ARHGEF10L: variants seen among roughly 807,000 people sequenced by gnomAD.
The protein encoded by ARHGEF10L is Rho guanine nucleotide exchange factor 10 like, also known as rho guanine nucleotide exchange factor 10-like protein.
ARHGEF10L carries 69 observed loss-of-function variants against 141.2 expected under a neutral mutation model. That is an observed-to-expected ratio of 0.49 (90% confidence interval 0.40 to 0.60). The LOEUF is 0.60. ARHGEF10L is among the 20% of genes least tolerant of loss of function. ARHGEF10L has a pLI of 0.00. For synonymous variants in ARHGEF10L, 711 were observed against 718.5 expected, an observed-to-expected ratio of 0.99 and a Z score of 0.17; for missense variants, 1,482 against 1,734.3, an observed-to-expected ratio of 0.85 and a Z score of 2.58.
chr1:17,564,502 C>T (rs796134045), intron 1 of ARHGEF10L, among the ~76,000 whole-genome samples: 152 of 152,270 alleles, frequency 1.0e-3, no homozygotes, highest in African/African-American at 3.5e-3. Context: ...CTGAGTGTAC[C>T]CCAGCAGCAC....
At chr1:17,532,061 C>T in the ARHGEF10L span, among the ~76,000 whole-genome samples, 1 of 152,188 alleles carries the variant, frequency 6.6e-6, no homozygotes, top group Non-Finnish European at 1.5e-5. Context: ...AGGCCCAGGC[C>T]CTGCCCTCCT....
chr1:17,639,626 C>A lies in ARHGEF10L; in HGVS notation c.2172-576C>A. The A allele has an allele frequency of 2.7e-6, 1 of 368,718 alleles. No homozygotes were observed. Among genetic ancestry groups the A allele is most frequent in the Non-Finnish European group, 5.4e-6 (1 of 186,058 alleles). The allele number at this position is 368,718 out of a possible 1,614,324, so 22.8% of individuals were successfully genotyped here. ...CTTGTGACACTGCCCTGCCCACCTCCCAAAGGGCTGGGAAGGCCCCCACTG... is the reference window on the plus strand; with the variant it reads ...CTTGTGACACTGCCCTGCCCACCTCACAAAGGGCTGGGAAGGCCCCCACTG... On this transcript the variant is annotated intron_variant, in intron 20 of 28. Coordinates refer to ENST00000361221, the MANE Select transcript of ARHGEF10L (RefSeq NM_018125.4). The surrounding 1 kb of genome is among the most constrained non-coding windows in gnomAD (Gnocchi z 4.3).
chr1:17,694,128 G>A (rs900914668), intron 27 of ARHGEF10L: 11 of 152,264 alleles, frequency 7.2e-5, no homozygotes, highest in African/African-American at 2.7e-4. Context: ...GCACGGGGTT[G>A]TTTTACGTTC....
At chr1:17,591,494 C>T (rs933897571) in intron 4 of ARHGEF10L, among the ~76,000 whole-genome samples, 4 of 150,684 alleles carry the variant, frequency 2.7e-5, no homozygotes, top group Admixed American at 1.3e-4. Flanking sequence ...TCACTGCAAC[C>T]TTTGCCTCCT....
At chr1:17,600,698 C>T (rs1343947249) in intron 4 of ARHGEF10L, among the ~76,000 whole-genome samples, 1 of 152,154 alleles carries the variant, frequency 6.6e-6, no homozygotes, top group African/African-American at 2.4e-5. Flanking sequence ...TCTCTGTAGC[C>T]TGCTCCAGCC....
At chr1:17,555,763 C>T (rs1054948802) in intron 1 of ARHGEF10L, among the ~76,000 whole-genome samples, 1 of 152,180 alleles carries the variant, frequency 6.6e-6, no homozygotes, top group African/African-American at 2.4e-5. Flanking sequence ...GCACCATAAC[C>T]ATGCCCCACC....
intron 26 of ARHGEF10L, among the ~76,000 whole-genome samples, chr1:17,678,907 G>A (rs2063897655): frequency 6.6e-6 from 1 of 152,086 alleles, no homozygotes; most frequent in South Asian, 2.1e-4. Context: ...CTTTTTCGGA[G>A]GTAGGCAAGG....
In ARHGEF10L at chr1:17,603,437, G is replaced by A; in HGVS notation, c.350-71G>A. Reference sequence around the variant, plus strand: ...TGCCACCAGCTGGTGCAGTCCTGATGTCATCTGCAGCACCTCTGGCCAGGC... The same window carrying A: ...TGCCACCAGCTGGTGCAGTCCTGATATCATCTGCAGCACCTCTGGCCAGGC... On this transcript the variant is annotated intron_variant, in intron 5 of 28. Coordinates refer to ENST00000361221, the MANE Select transcript of ARHGEF10L (RefSeq NM_018125.4). The surrounding 1 kb of genome is among the most constrained non-coding windows in gnomAD (Gnocchi z 4.8). 1.5e-6 allele frequency: 2 copies of A among 1,293,176 alleles called. No individual in the cohort carries two copies. Among genetic ancestry groups the A allele is most frequent in the South Asian group, 1.3e-5 (1 of 74,598 alleles). 80.1% of individuals were successfully genotyped at this position (1,293,176 alleles called of 1,614,324 possible).
intron 2 of ARHGEF10L, among the ~76,000 whole-genome samples, chr1:17,586,853 C>A (rs887603571): frequency 6.6e-6 from 1 of 152,008 alleles, no homozygotes; most frequent in Non-Finnish European, 1.5e-5. Flanking sequence ...GAAAGGGGTT[C>A]CCCAGGAGGG....
chr1:17,553,711 C>T (rs1292597845), intron 1 of ARHGEF10L, among the ~76,000 whole-genome samples: 1 of 152,136 alleles, frequency 6.6e-6, no homozygotes, highest in Non-Finnish European at 1.5e-5. Flanking sequence ...ATGGCTTGAG[C>T]CCAGGAGGTT....
chr1:17,662,152 T>A (rs1401961803), intron 25 of ARHGEF10L, among the ~76,000 whole-genome samples: 1 of 152,142 alleles, frequency 6.6e-6, no homozygotes, highest in Non-Finnish European at 1.5e-5. Flanking sequence ...TTAAACTCGC[T>A]GTGTCTCGGT....
chr1:17,601,818 G>A (rs2080709167), intron 4 of ARHGEF10L, among the ~76,000 whole-genome samples: 1 of 152,186 alleles, frequency 6.6e-6, no homozygotes, highest in African/African-American at 2.4e-5. Context: ...GAGTGGAGAG[G>A]TGGAGGTTCC....
chr1:17,603,462 C>A lies in ARHGEF10L; in HGVS notation c.350-46C>A. The A allele has an allele frequency of 6.5e-7, 1 of 1,549,092 alleles. No homozygotes were observed. The highest frequency in any genetic ancestry group is 1.2e-5 in the South Asian group (1 of 86,246). On this transcript the variant is annotated intron_variant, in intron 5 of 28. Coordinates refer to ENST00000361221, the MANE Select transcript of ARHGEF10L (RefSeq NM_018125.4). The surrounding 1 kb of genome is among the most constrained non-coding windows in gnomAD (Gnocchi z 4.8). ...GTCATCTGCAGCACCTCTGGCCAGG[C>A]TGCCACAGCCCACGGTGGTGCTCTC...
At chr1:17,638,432 A>G in intron 19 of ARHGEF10L, 130 bp from the exon 20 acceptor site, 1 of 1,361,668 alleles carries the variant, frequency 7.3e-7, no homozygotes, top group East Asian at 2.4e-5. Context: ...CTAAATGTGC[A>G]GCCTCAGTGA....
intron 25 of ARHGEF10L, among the ~76,000 whole-genome samples, chr1:17,659,817 G>A (rs2062500266): frequency 6.6e-6 from 1 of 152,236 alleles, no homozygotes; most frequent in South Asian, 2.1e-4. Context: ...GAGAAGGACA[G>A]GACCAGACAC....
At chr1:17,540,224 T>C (rs1016488137) in intron 1 of ARHGEF10L, among the ~76,000 whole-genome samples, 9 of 152,008 alleles carry the variant, frequency 5.9e-5, no homozygotes, top group African/African-American at 1.9e-4. Flanking sequence ...TGTGTGTGTG[T>C]GTGGCCTCCA....
Position 17,648,678 on chromosome 1 carries a change from G to C in ARHGEF10L, c.2394+3G>C. Reference sequence around the variant, plus strand: ...CCTCCCGGGCACTCAGCCTGCAGGTGAGTGGAGCGGATCTTGCTGAGCCGA... The same window carrying C: ...CCTCCCGGGCACTCAGCCTGCAGGTCAGTGGAGCGGATCTTGCTGAGCCGA... On this transcript the variant is annotated splice_donor_region_variant and intron_variant, in intron 22 of 28. Coordinates refer to ENST00000361221, the MANE Select transcript of ARHGEF10L (RefSeq NM_018125.4). 1 of 1,612,350 alleles carries C rather than the reference G, an allele frequency of 6.2e-7. No homozygotes were observed. The highest frequency in any genetic ancestry group is 8.5e-7 in the Non-Finnish European group (1 of 1,179,888).
intron 26 of ARHGEF10L, among the ~76,000 whole-genome samples, chr1:17,686,078 T>TTTCTCTTTCTTTCTTTCTTTCTTTC (rs1558033249): frequency 7.1e-6 from 1 of 140,552 alleles, no homozygotes; most frequent in African/African-American, 3.0e-5. Flanking sequence ...GTTTTGTTTT[T>TTTCTCTTTCTTTCTTTCTTTCTTTC]TTTCTTTCTT....
At chr1:17,602,333 C>T (rs1570798876) in intron 5 of ARHGEF10L, 115 bp downstream of exon 5, 4 of 1,244,088 alleles carry the variant, frequency 3.2e-6, no homozygotes, top group Non-Finnish European at 4.5e-6. Flanking sequence ...TTCATCCTCA[C>T]CGGGGGCTTC....
Sources: gnomAD v4.1 joint callset for allele counts (sites outside exome capture counted in the v4.1 genomes callset) on GRCh38, gnomAD v4.1.1 for gene constraint, Gnocchi (gnomAD v3.1) non-coding constraint, MANE v1.5 for transcripts, NCBI Gene and HGNC (gene_info 2026-07-23, HGNC 2026-07-21) for gene names.